Variants in TNKS1BP1 observed in about 807,000 individuals in gnomAD.
TNKS1BP1 encodes the protein CCR4-NOT transcription complex subunit 12, also known as 182 kDa tankyrase-1-binding protein.
In TNKS1BP1, 48 loss-of-function variants were observed where a neutral mutation model predicts 141.1. The observed-to-expected ratio is 0.34, with a 90% confidence interval of 0.27 to 0.43. TNKS1BP1 has a LOEUF of 0.43. Ranked by LOEUF, TNKS1BP1 falls within the 20% of genes least tolerant of loss-of-function variation. The pLI is 1.00. For missense variants in TNKS1BP1, 2,149 were observed against 2,226.0 expected, an observed-to-expected ratio of 0.97 and a Z score of 0.70; for synonymous variants, 875 against 898.2, an observed-to-expected ratio of 0.97 and a Z score of 0.46.
At chr11:57,322,376 GCTCCGCC>G (rs1185091472) in intron 1 of TNKS1BP1, 1 of 956,260 alleles carries the variant, frequency 1.0e-6, no homozygotes, top group Non-Finnish European at 1.2e-6. Context: ...CCCAACCTGG[GCTCCGCC>G]CCACTGCCTG....
chr11:57,324,751 G>T (rs868112197), intron 1 of TNKS1BP1, 89 bp downstream of exon 1: 1 of 977,550 alleles, frequency 1.0e-6, no homozygotes, highest in Middle Eastern at 5.2e-4. Context: ...CGAGGTGTCG[G>T]CTGGAAAGCA....
At chr11:57,311,971 C>T (rs1855719161) in intron 5 of TNKS1BP1, among the ~76,000 whole-genome samples, 2 of 152,224 alleles carry the variant, frequency 1.3e-5, no homozygotes, top group Admixed American at 6.5e-5. Flanking sequence ...GCTCATTGAA[C>T]CCTTGCCAAC....
At chr11:57,304,635 C>A (rs561753606) in intron 6 of TNKS1BP1, among the ~76,000 whole-genome samples, 1 of 152,178 alleles carries the variant, frequency 6.6e-6, no homozygotes, top group Admixed American at 6.5e-5. Flanking sequence ...TTTGGGAGGC[C>A]AAAACAGGCG....
Position 57,302,824 on chromosome 11 carries a change from G to C in TNKS1BP1, c.4318C>G (p.Pro1440Ala), listed in dbSNP as rs1177558807. ...GGGGGGCGGGCCGGGCACCTGCCAG[G>C]GCTGTAAAGGGGACAGAGAGAGAAC... ...TGEALSFGAS[P>A]GRCPARPPPS... is the part of the protein sequence containing the mutation. The change falls in exon 7 of 12, where the codon CCT becomes GCT. Residue 1440 changes from proline to alanine, a missense_variant and splice_region_variant. Coordinates refer to ENST00000358252, the MANE Select transcript of TNKS1BP1 (RefSeq NM_033396.3). The surrounding 1 kb of genome is among the most constrained non-coding windows in gnomAD (Gnocchi z 5.5). 5 of 1,526,560 alleles carry C rather than the reference G, an allele frequency of 3.3e-6. No homozygotes were observed. In the African/African-American group the frequency reaches 6.8e-5, roughly 21 times the overall value. The allele number at this position is 1,526,560 out of a possible 1,614,324, so 94.6% of individuals were successfully genotyped here. A position where few individuals can be genotyped will look rare whatever the true frequency, so the allele number is the denominator to read the frequency against.
chr11:57,315,504 G>A (rs1457592394), intron 4 of TNKS1BP1, among the ~76,000 whole-genome samples: 1 of 152,076 alleles, frequency 6.6e-6, no homozygotes. Flanking sequence ...CATGTGGCTG[G>A]ATAAAAACAC....
At chr11:57,301,537 G>T (rs1855524093) in intron 9 of TNKS1BP1, among the ~76,000 whole-genome samples, 1 of 152,134 alleles carries the variant, frequency 6.6e-6, no homozygotes, top group Admixed American at 6.5e-5. Context: ...CTCTCATCCA[G>T]GCTAATTATG....
In TNKS1BP1 at chr11:57,320,250, C is replaced by T. The variant is rs371562715; in HGVS notation, c.557G>A (p.Arg186His). The T allele has an allele frequency of 2.3e-5, 37 of 1,614,178 alleles. No individual in the cohort carries two copies. The highest frequency in any genetic ancestry group is 3.3e-4 in the Middle Eastern group (2 of 6,062). The change falls in exon 3 of 12, where the codon CGC becomes CAC. Residue 186 changes from arginine to histidine, a missense_variant. Arg to His is a conservative substitution (Grantham distance 29, BLOSUM62 0). Transcript: ENST00000358252. ...LASPDRLWGSRLTFNHDGSSR... is the reference protein window; with the variant it reads ...LASPDRLWGSHLTFNHDGSSR... ...GCTGCCATCGTGGTTAAAGGTGAGG[C>T]GGGAACCCCACAGGCGGTCGGGGCT...
rs1855685671 is a variant in TNKS1BP1, at chr11:57,310,305, C to T, written c.2406G>A (p.Glu802=). Residue 802 remains glutamate, a synonymous_variant, in exon 6 of 12, where the codon GAG becomes GAA. Coordinates refer to ENST00000358252, the MANE Select transcript of TNKS1BP1 (RefSeq NM_033396.3). ...SRCGIGQEEM[E]ASSSQDQSKV... ...TACTCTGGTCTTGGCTGCTGCTGGC[C>T]TCCATCTCCTCCTGGCCGATGCCAC... 6.2e-7 allele frequency: 1 copy of T among 1,613,916 alleles called. No homozygotes were observed. The highest frequency in any genetic ancestry group is 1.3e-5 in the African/African-American group (1 of 74,924).
chr11:57,310,646 G>A, intron 5 of TNKS1BP1, 90 bp from the exon 6 acceptor site: 5 of 1,484,154 alleles, frequency 3.4e-6, no homozygotes, highest in South Asian at 1.4e-5. Context: ...GCTGCCTAGT[G>A]CCTGAAAGCC....
intron 4 of TNKS1BP1, among the ~76,000 whole-genome samples, chr11:57,317,240 G>A (rs768119614): frequency 6.6e-6 from 1 of 152,158 alleles, no homozygotes; most frequent in Non-Finnish European, 1.5e-5. Context: ...AGCTAGCAAG[G>A]GCTGTATGAG....
chr11:57,312,959 C>T lies in TNKS1BP1; in HGVS notation c.1729G>A (p.Gly577Ser). 6.2e-7 allele frequency: 1 copy of T among 1,613,862 alleles called. No homozygotes were observed. The change falls in exon 5 of 12, where the codon GGC becomes AGC. Residue 577 changes from glycine to serine, a missense_variant. Physicochemically the swap from Gly to Ser is moderately conservative, Grantham distance 56 (BLOSUM62 0). Transcript: ENST00000358252. ...TGCTGCAAAGGTAATCCAGGTGTGC[C>T]CTCAGTTGTAGGCAGGGGCTCAAGG... ...VPLEPLPTTEGTPGLPLQQAE... is the reference protein window; with the variant it reads ...VPLEPLPTTESTPGLPLQQAE...
Position 57,313,064 on chromosome 11 carries a change from A to G in TNKS1BP1, c.1624T>C (p.Trp542Arg). ...GSAPSGSGSSWVQGDDPSMSL... is the reference protein window; with the variant it reads ...GSAPSGSGSSRVQGDDPSMSL... ...ATGCTTGGATCATCCCCCTGCACCC[A>G]GGAACTTCCTGACCCACTTGGAGCT... Residue 542 changes from tryptophan to arginine, a missense_variant, in exon 5 of 12, where the codon TGG becomes CGG. Coordinates refer to ENST00000358252, the MANE Select transcript of TNKS1BP1 (RefSeq NM_033396.3). The G allele has an allele frequency of 6.2e-7, 1 of 1,613,768 alleles. No homozygotes were observed. The highest frequency in any genetic ancestry group is 8.5e-7 in the Non-Finnish European group (1 of 1,180,024).
chr11:57,306,909 G>GA (rs1002141342), intron 6 of TNKS1BP1, among the ~76,000 whole-genome samples: 13 of 148,704 alleles, frequency 8.7e-5, no homozygotes, highest in Admixed American at 4.0e-4. Flanking sequence ...GTGGTGGGGG[G>GA]GGGGGTTGGG....
chr11:57,323,089 A>T (rs796341734), intron 1 of TNKS1BP1, among the ~76,000 whole-genome samples: 15 of 152,318 alleles, frequency 9.8e-5, no homozygotes, highest in African/African-American at 3.6e-4. Flanking sequence ...ATGAAATAGT[A>T]CATGAAATAG....
In TNKS1BP1 at chr11:57,322,077, G is replaced by C. The variant is rs868424963; in HGVS notation, c.-65-127C>G. 310 of 855,514 alleles carry C rather than the reference G, an allele frequency of 3.6e-4. 9 individuals are homozygous for C. In the African/African-American group the frequency reaches 4.0e-3, roughly 11 times the overall value. 53.0% of individuals were successfully genotyped at this position (855,514 alleles called of 1,614,324 possible). A position where few individuals can be genotyped will look rare whatever the true frequency, so the allele number is the denominator to read the frequency against. ...AGGAAGAGAGAACTTGGAGTGGGGGGGGGGGGGTAGGAGGAGGTCAAGGGA... is the reference window on the plus strand; with the variant it reads ...AGGAAGAGAGAACTTGGAGTGGGGGCGGGGGGGTAGGAGGAGGTCAAGGGA... On this transcript the variant is annotated intron_variant, in intron 1 of 11. Transcript: ENST00000358252.
chr11:57,301,312 CT>C (rs1855521092), intron 9 of TNKS1BP1, among the ~76,000 whole-genome samples: 1 of 152,148 alleles, frequency 6.6e-6, no homozygotes, highest in Non-Finnish European at 1.5e-5. Flanking sequence ...CTTCCCACCC[CT>C]GTTCCCTCTG....
Position 57,310,110 on chromosome 11 carries a change from G to C in TNKS1BP1, c.2601C>G (p.Phe867Leu), listed in dbSNP as rs748908952. Residue 867 changes from phenylalanine to leucine, a missense_variant, in exon 6 of 12, where the codon TTC becomes TTG. By Grantham distance (22) the Phe-to-Leu change is conservative (BLOSUM62 0). Transcript: ENST00000358252. ...SRDAELQDQEFGKRDSLGTYS... is the reference protein window; with the variant it reads ...SRDAELQDQELGKRDSLGTYS... ...AGGTACCCAGTGAATCTCTCTTTCC[G>C]AATTCCTGGTCCTGGAGTTCTGCAT... is the stretch of plus-strand genomic sequence containing the variant. 2 of 1,613,942 alleles carry C rather than the reference G, an allele frequency of 1.2e-6. No individual in the cohort carries two copies. The highest frequency in any genetic ancestry group is 2.7e-5 in the African/African-American group (2 of 74,862).
At chr11:57,321,761 C>T in intron 2 of TNKS1BP1, 31 bp downstream of exon 2, 1 of 1,569,266 alleles carries the variant, frequency 6.4e-7, no homozygotes, top group Non-Finnish European at 8.7e-7. Flanking sequence ...CCCCTCCCAG[C>T]CACCTGGCTC....
chr11:57,324,428 T>TGGGCTGCAGACGTC lies in TNKS1BP1; in HGVS notation c.-66+398_-66+411dup, dbSNP rs1245025925. The stretch of plus-strand genomic sequence containing the variant: ...TGTGAAGCAGCCGGCGAACAGACGG[T>TGGGCTGCAGACGTC]GGGCTGCAGACGTCGATCAGGTGGG... On this transcript the variant is annotated intron_variant, in intron 1 of 11. Coordinates refer to ENST00000358252, the MANE Select transcript of TNKS1BP1 (RefSeq NM_033396.3). Among the ~76,000 whole-genome samples the TGGGCTGCAGACGTC allele has an allele frequency of 4.2e-5, 5 of 117,824 alleles. No individual in the cohort carries two copies. The East Asian group carries it at 1.4e-3, about 34-fold the overall frequency. 77.3% of individuals were successfully genotyped at this position (117,824 alleles called of 152,430 possible). A position where few individuals can be genotyped will look rare whatever the true frequency, so the allele number is the denominator to read the frequency against.
Sources: gnomAD v4.1 joint callset for allele counts (sites outside exome capture counted in the v4.1 genomes callset) on GRCh38, gnomAD v4.1.1 for gene constraint, Gnocchi (gnomAD v3.1) non-coding constraint, MANE v1.5 for transcripts, NCBI Gene and HGNC (gene_info 2026-07-23, HGNC 2026-07-21) for gene names.